COMMD7: variants seen among roughly 807,000 people sequenced by gnomAD.
The protein encoded by COMMD7 is COMM domain-containing protein 7.
Under a neutral mutation model 34.8 loss-of-function variants are expected in COMMD7, and 28 were observed. The observed-to-expected ratio is 0.80, with a 90% CI of 0.60 to 1.10. The LOEUF is 1.10. Ranked by LOEUF, COMMD7 falls within the 50% of genes least tolerant of loss-of-function variation. The probability of loss-of-function intolerance (pLI) is 0.00; values close to 1 mark genes in which losing one functional copy is unlikely to be tolerated. For synonymous variants in COMMD7, 80 were observed against 86.4 expected (o/e 0.93, Z 0.41); for missense variants, 211 against 241.6 (o/e 0.87, Z 0.84).
chr20:32,729,162 T>C, intron 1 of COMMD7, among the ~76,000 whole-genome samples: 1 of 149,080 alleles, frequency 6.7e-6, no homozygotes, highest in South Asian at 2.2e-4. Flanking sequence ...GGGGCGCTTA[T>C]TTTGATTTTT....
At chr20:32,733,846 T>C (rs1364742888) in intron 1 of COMMD7, among the ~76,000 whole-genome samples, 5 of 145,588 alleles carry the variant, frequency 3.4e-5, no homozygotes, top group East Asian at 4.2e-4. Context: ...GATTGCACGA[T>C]TGCACTCCAG....
chr20:32,730,195 CA>C (rs1354111073), intron 1 of COMMD7, among the ~76,000 whole-genome samples: 10 of 151,516 alleles, frequency 6.6e-5, no homozygotes. Flanking sequence ...ATTACTTTCT[CA>C]TGTCCCTCCC....
At chr20:32,743,232 G>T in intron 1 of COMMD7, 76 bp downstream of exon 1, 3 of 438,442 alleles carry the variant, frequency 6.8e-6, no homozygotes, top group Non-Finnish European at 1.2e-5. Flanking sequence ...GCGCACCCCC[G>T]GACGTCCCCC....
intron 3 of COMMD7, among the ~76,000 whole-genome samples, chr20:32,718,355 G>A (rs1984938636): frequency 6.6e-6 from 1 of 151,338 alleles, no homozygotes; most frequent in South Asian, 2.1e-4. Flanking sequence ...AGTGAACCGA[G>A]TTTGCGCCAC....
chr20:32,733,151 G>A (rs2145776547), intron 1 of COMMD7, among the ~76,000 whole-genome samples: 1 of 149,426 alleles, frequency 6.7e-6, no homozygotes, highest in East Asian at 2.0e-4. Flanking sequence ...GGAGGCGGAG[G>A]CTACAGCAAG....
intron 1 of COMMD7, among the ~76,000 whole-genome samples, chr20:32,737,976 T>C (rs1986238839): frequency 6.6e-6 from 1 of 151,746 alleles, no homozygotes; most frequent in Non-Finnish European, 1.5e-5. Flanking sequence ...AAAACTTTGT[T>C]AGTAGCAGAA....
At chr20:32,703,594 A>G in intron 8 of COMMD7, 136 bp from the exon 9 acceptor site, 1 of 1,449,494 alleles carries the variant, frequency 6.9e-7, no homozygotes, top group South Asian at 1.5e-5. Flanking sequence ...TGGGTAACTG[A>G]TCATAATAAA....
rs755151024 is a variant in COMMD7, at chr20:32,739,828, A to G, written c.84+3480T>C. 5.7e-5 allele frequency among the ~76,000 whole-genome samples: 8 copies of G among 139,252 alleles called. 1 individual carries two copies. Among genetic ancestry groups the G allele is most frequent in the African/African-American group, 8.2e-5 (3 of 36,564 alleles). The allele number at this position is 139,252 out of a possible 152,430, so 91.4% of individuals were successfully genotyped here. A position where few individuals can be genotyped will look rare whatever the true frequency, so the allele number is the denominator to read the frequency against. Reference sequence around the variant, plus strand: ...AGGTCAGGAGTTCGAGACTACCCTGACCAACATGGCGAAAGCCCATCTCTA... The same window carrying G: ...AGGTCAGGAGTTCGAGACTACCCTGGCCAACATGGCGAAAGCCCATCTCTA... On this transcript the variant is annotated intron_variant, in intron 1 of 8. Transcript: ENST00000278980.
At chr20:32,713,602 A>T (rs1253977636) in intron 3 of COMMD7, among the ~76,000 whole-genome samples, 1 of 152,176 alleles carries the variant, frequency 6.6e-6, no homozygotes, top group Non-Finnish European at 1.5e-5. Context: ...ACTGACCCTG[A>T]AGGCTGACCA....
intron 3 of COMMD7, among the ~76,000 whole-genome samples, chr20:32,719,505 C>T (rs1160734719): frequency 1.3e-5 from 2 of 151,968 alleles, no homozygotes; most frequent in African/African-American, 4.8e-5. Flanking sequence ...AAAAAATTAG[C>T]CAGGCATGGT....
rs757909815 is a variant in COMMD7 at position 32,704,034 on chromosome 20, T to C, written c.515A>G (p.Asn172Ser). 1 of 1,611,160 alleles carries C rather than the reference T, an allele frequency of 6.2e-7. No individual in the cohort carries two copies. The highest frequency in any genetic ancestry group is 1.1e-5 in the South Asian group (1 of 90,162). ...GAATTCAGACTCACCTATATACACA[T>C]TTTCGGTTTGATTTCCTTTCTTAAC... ...LVVKKGNQTE[N>S]VYIELTLPQF... is the part of the protein sequence containing the mutation. The change falls in exon 8 of 9, where the codon AAT becomes AGT. Residue 172 changes from asparagine (N) to serine (S), a missense_variant. Transcript: ENST00000278980.
chr20:32,738,317 G>A (rs1042532733), intron 1 of COMMD7, among the ~76,000 whole-genome samples: 10 of 152,116 alleles, frequency 6.6e-5, no homozygotes, highest in East Asian at 1.9e-4. Context: ...GGCCAGGTAC[G>A]GTGGCTCACG....
At chr20:32,714,268 T>A (rs755069472) in intron 3 of COMMD7, among the ~76,000 whole-genome samples, 2 of 152,176 alleles carry the variant, frequency 1.3e-5, no homozygotes, top group Non-Finnish European at 2.9e-5. Flanking sequence ...TTATTCTTTT[T>A]TGTGTGTATG....
chr20:32,732,049 G>A (rs1327347444), intron 1 of COMMD7, among the ~76,000 whole-genome samples: 1 of 152,138 alleles, frequency 6.6e-6, no homozygotes, highest in Non-Finnish European at 1.5e-5. Context: ...GATACACTGG[G>A]GTGACCTTTC....
At chr20:32,736,857 T>A (rs757879916) in intron 1 of COMMD7, among the ~76,000 whole-genome samples, 1 of 151,536 alleles carries the variant, frequency 6.6e-6, no homozygotes, top group Non-Finnish European at 1.5e-5. Context: ...CTGGGCAACA[T>A]GGCACAACCC....
chr20:32,717,298 G>C (rs915587369), intron 3 of COMMD7, among the ~76,000 whole-genome samples: 2 of 150,308 alleles, frequency 1.3e-5, no homozygotes, highest in Admixed American at 1.3e-4. Context: ...GAGACTACAG[G>C]TGTGCACCAC....
chr20:32,726,279 C>T (rs990112719), intron 3 of COMMD7, among the ~76,000 whole-genome samples: 12 of 151,950 alleles, frequency 7.9e-5, no homozygotes, highest in Non-Finnish European at 1.3e-4. Context: ...TGCCTGTAAT[C>T]CCAGCTACTC....
chr20:32,736,866 C>A (rs1986151993), intron 1 of COMMD7, among the ~76,000 whole-genome samples: 1 of 151,652 alleles, frequency 6.6e-6, no homozygotes. Context: ...ATGGCACAAC[C>A]CCATTTCTTC....
intron 1 of COMMD7, among the ~76,000 whole-genome samples, chr20:32,739,184 T>C (rs115519042): frequency 0.02 from 3,056 of 152,194 alleles, 119 homozygotes; most frequent in African/African-American, 0.069. Context: ...TAATAATAAG[T>C]GGCTGGGTGC....
Sources: gnomAD v4.1 joint callset for allele counts (sites outside exome capture counted in the v4.1 genomes callset) on GRCh38, gnomAD v4.1.1 for gene constraint, MANE v1.5 for transcripts, NCBI Gene and HGNC (gene_info 2026-07-23, HGNC 2026-07-21) for gene names.